The following PCNX1 variants were observed in gnomAD, a reference collection of about 807,000 sequenced individuals.
The protein encoded by PCNX1 is pecanex-like protein 1.
PCNX1 carries 78 observed loss-of-function variants against 242.2 expected under a neutral mutation model. The observed-to-expected ratio is 0.32, with a 90% CI of 0.27 to 0.39. The LOEUF is 0.39. PCNX1 is among the 10% of genes least tolerant of loss of function. The pLI is 1.00. For synonymous variants in PCNX1, 1,024 were observed against 1,032.9 expected (o/e 0.99, Z 0.17); for missense variants, 2,581 against 2,856.5 (o/e 0.90, Z 2.20).
intron 2 of PCNX1, among the ~76,000 whole-genome samples, chr14:70,958,028 A>G (rs916871776): frequency 2.0e-5 from 3 of 152,090 alleles, no homozygotes; most frequent in African/African-American, 7.3e-5. Context: ...ATGTGGTGAT[A>G]GTGCCTCTAT....
rs1173477665 is a variant in PCNX1 at position 71,102,128 on chromosome 14, T to C, written c.5728T>C (p.Leu1910=). 1 of 1,614,086 alleles carries C rather than the reference T, an allele frequency of 6.2e-7. No individual in the cohort carries two copies. Among genetic ancestry groups the C allele is most frequent in the South Asian group, 1.1e-5 (1 of 91,082 alleles). ...TGCAGTACTTGCCAACTCTCCCTCC[T>C]TGCTTGCTCTGCGGCATGTCATGGA... The part of the protein sequence containing the change: ...RSAVLANSPS[L]LALRHVMDDG... Residue 1910 remains leucine, a synonymous_variant, in exon 31 of 36, where the codon TTG becomes CTG. Coordinates refer to ENST00000304743, the MANE Select transcript of PCNX1 (RefSeq NM_014982.3).
rs2526861 is a variant in PCNX1, at chr14:70,945,003, C to A, written c.154-1912C>A. ...ATAAATTACCCAGTCTTGGGTATTT[C>A]TTCATAGCAGCATGAGAGTGGACTA... is the stretch of plus-strand genomic sequence containing the variant. On this transcript the variant is annotated intron_variant, in intron 1 of 35. Coordinates refer to ENST00000304743, the MANE Select transcript of PCNX1 (RefSeq NM_014982.3). 3.6e-3 allele frequency among the ~76,000 whole-genome samples: 552 copies of A among 152,260 alleles called. 2 individuals are homozygous for A. The highest frequency in any genetic ancestry group is 0.013 in the African/African-American group (531 of 41,560).
chr14:71,102,206 T>C lies in PCNX1; in HGVS notation c.5806T>C (p.Phe1936Leu). The C allele has an allele frequency of 1.2e-6, 2 of 1,607,990 alleles. No individual in the cohort carries two copies. The highest frequency in any genetic ancestry group is 1.7e-6 in the Non-Finnish European group (2 of 1,174,454). Residue 1936 changes from phenylalanine to leucine, a missense_variant, in exon 31 of 36, where the codon TTC (phenylalanine) becomes CTC (leucine). Physicochemically the swap from Phe to Leu is conservative, Grantham distance 22. Around this residue, in one of 9 missense-constraint regions of PCNX1, gnomAD observed 298 missense variants for 480.1 expected, o/e 0.62. Coordinates refer to ENST00000304743, the MANE Select transcript of PCNX1 (RefSeq NM_014982.3). ...CATGCTCAACAGACGCTACCTGAGC[T>C]TCAGGGTCATTAAAGTAAGTGTTTG... Reference protein sequence around the residue: ...IIMLNRRYLSFRVIKVNKECV... With the variant: ...IIMLNRRYLSLRVIKVNKECV...
rs8013512 is a variant in PCNX1 at position 70,947,487 on chromosome 14, C to T, written c.362+364C>T. Among the ~76,000 whole-genome samples, 1,392 of 152,274 alleles carry T rather than the reference C, an allele frequency of 9.1e-3. 6 individuals are homozygous for T. Among genetic ancestry groups the T allele is most frequent in the Middle Eastern group, 0.034 (10 of 294 alleles). On this transcript the variant is annotated intron_variant, in intron 2 of 35. Coordinates refer to ENST00000304743, the MANE Select transcript of PCNX1 (RefSeq NM_014982.3). ...AAATTAATACTTTTATAATTTCTTACGCCTGTCTTTACTGCAGTCTCTGAA... is the reference window on the plus strand; with the variant it reads ...AAATTAATACTTTTATAATTTCTTATGCCTGTCTTTACTGCAGTCTCTGAA...
Position 71,012,140 on chromosome 14 carries a change from A to AAAAC in PCNX1, c.2778+613_2778+616dup, listed in dbSNP as rs66757265. Reference sequence around the variant, plus strand: ...TATAGCCTCAGGTGAGCAGCTTGCCAAAACAAACAAACAAACAAACAAACA... The same window carrying AAAAC: ...TATAGCCTCAGGTGAGCAGCTTGCCAAAACAAACAAACAAACAAACAAACAAACA... On this transcript the variant is annotated intron_variant, in intron 10 of 35. Coordinates refer to ENST00000304743, the MANE Select transcript of PCNX1 (RefSeq NM_014982.3). The AAAAC allele has an allele frequency of 2.3e-3, 354 of 152,596 alleles. 1 individual carries two copies. Among genetic ancestry groups the AAAAC allele is most frequent in the African/African-American group, 6.8e-3 (281 of 41,498 alleles). The allele number at this position is 152,596 out of a possible 1,614,324, so 9.5% of individuals were successfully genotyped here. A position where few individuals can be genotyped will look rare whatever the true frequency, so the allele number is the denominator to read the frequency against.
intron 2 of PCNX1, among the ~76,000 whole-genome samples, chr14:70,960,948 C>T (rs1159502351): frequency 2.0e-5 from 3 of 152,112 alleles, no homozygotes; most frequent in African/African-American, 7.2e-5. Flanking sequence ...CCTAGGAATC[C>T]AACTTACAAG....
At chr14:71,020,450 T>G (rs138735986) in intron 12 of PCNX1, among the ~76,000 whole-genome samples, 1 of 152,198 alleles carries the variant, frequency 6.6e-6, no homozygotes, top group Non-Finnish European at 1.5e-5. Flanking sequence ...ATCTGTTGTT[T>G]CCTGACTTTA....
chr14:71,015,144 T>G (rs1460463100), intron 11 of PCNX1, among the ~76,000 whole-genome samples: 1 of 152,072 alleles, frequency 6.6e-6, no homozygotes, highest in Non-Finnish European at 1.5e-5. Flanking sequence ...CATCTTCAGA[T>G]CAGAAAAAAA....
chr14:71,002,281 G>T (rs2059528174), intron 8 of PCNX1, among the ~76,000 whole-genome samples: 1 of 152,134 alleles, frequency 6.6e-6, no homozygotes, highest in African/African-American at 2.4e-5. Context: ...TTAGTATCTG[G>T]TAGGAATTTC....
intron 18 of PCNX1, among the ~76,000 whole-genome samples, chr14:71,035,293 C>T (rs1051700306): frequency 6.6e-6 from 1 of 152,098 alleles, no homozygotes. Context: ...GTAAAACTTA[C>T]CAATGGGGGA....
At chr14:71,009,587 A>C in intron 8 of PCNX1, 47 bp from the exon 9 acceptor site, 1 of 1,115,066 alleles carries the variant, frequency 9.0e-7, no homozygotes, top group Non-Finnish European at 1.3e-6. Context: ...TGAAGGAAAA[A>C]TTCTGAGTAT....
chr14:70,994,210 A>G (rs958651494), intron 7 of PCNX1, among the ~76,000 whole-genome samples: 5 of 151,888 alleles, frequency 3.3e-5, no homozygotes, highest in African/African-American at 7.3e-5. Context: ...GGTAGACACT[A>G]ACTACTCACT....
chr14:71,065,121 T>C lies in PCNX1; in HGVS notation c.4852+7397T>C, dbSNP rs2061416278. On this transcript the variant is annotated intron_variant, in intron 26 of 35. Transcript: ENST00000304743. ...TATAGTAGAATGACTTATAATCCTT[T>C]GGGTATATACCCATTAATGGGATTG... 2.6e-5 allele frequency among the ~76,000 whole-genome samples: 4 copies of C among 152,250 alleles called. 1 individual carries two copies. In the South Asian group the frequency reaches 8.3e-4, roughly 32 times the overall value.
intron 1 of PCNX1, among the ~76,000 whole-genome samples, chr14:70,918,427 A>G (rs769621616): frequency 6.6e-6 from 1 of 152,214 alleles, no homozygotes; most frequent in Non-Finnish European, 1.5e-5. Context: ...TGATTTTACT[A>G]TTTTATTTTA....
chr14:71,006,545 G>GA (rs2059673626), intron 8 of PCNX1, among the ~76,000 whole-genome samples: 1 of 151,886 alleles, frequency 6.6e-6, no homozygotes, highest in Admixed American at 6.6e-5. Context: ...CTGTTTATTA[G>GA]AAAAAATTAG....
In PCNX1 at chr14:70,978,275, A is replaced by T. The variant is rs1336509838; in HGVS notation, c.1938A>T (p.Lys646Asn). 5.6e-6 allele frequency: 9 copies of T among 1,614,110 alleles called. No homozygotes were observed. Among genetic ancestry groups the T allele is most frequent in the Non-Finnish European group, 6.8e-6 (8 of 1,180,018 alleles). ...PEGRYSALKT[K>N]HTHKERGTDS... ...GCAGATACAGTGCTCTAAAGACCAA[A>T]CACACTCATAAAGAAAGGGGCACAG... is the stretch of plus-strand genomic sequence containing the variant. The change falls in exon 6 of 36, where the codon AAA becomes AAT. Residue 646 changes from lysine to asparagine, a missense_variant. Lys to Asn is a moderately conservative substitution (Grantham distance 94). Coordinates refer to ENST00000304743, the MANE Select transcript of PCNX1 (RefSeq NM_014982.3).
chr14:70,948,965 A>T (rs1370061834), intron 2 of PCNX1, among the ~76,000 whole-genome samples: 1 of 147,960 alleles, frequency 6.8e-6, no homozygotes. Flanking sequence ...GTATATGTGT[A>T]TATACACTTA....
chr14:70,912,859 G>T (rs1286137480), intron 1 of PCNX1, among the ~76,000 whole-genome samples: 1 of 152,110 alleles, frequency 6.6e-6, no homozygotes, highest in Non-Finnish European at 1.5e-5. Context: ...TTTTCCTCCT[G>T]TGAGACCTTT....
intron 8 of PCNX1, among the ~76,000 whole-genome samples, chr14:71,000,764 G>A (rs2059482039): frequency 6.6e-6 from 1 of 152,132 alleles, no homozygotes; most frequent in Non-Finnish European, 1.5e-5. Context: ...GACCTCAGGT[G>A]ATCCACCCAC....
Sources: gnomAD v4.1 joint callset for allele counts (sites outside exome capture counted in the v4.1 genomes callset) on GRCh38, gnomAD v4.1.1 for gene constraint, gnomAD v4.1.1 regional missense constraint, MANE v1.5 for transcripts, NCBI Gene and HGNC (gene_info 2026-07-23, HGNC 2026-07-21) for gene names.